Variants in LRP1B observed in about 807,000 individuals in gnomAD.
LRP1B encodes the protein LDL receptor related protein 1B, also known as low-density lipoprotein receptor-related protein 1B.
A neutral mutation model predicts 556.6 loss-of-function variants in LRP1B; 217 were observed. That is an observed-to-expected ratio of 0.39 (90% CI 0.35 to 0.44). LRP1B has a LOEUF of 0.44. LRP1B is among the 20% of genes least tolerant of loss of function. LRP1B has a pLI of 1.00. For missense variants in LRP1B, 5,053 were observed against 5,620.8 expected (o/e 0.90, Z 3.23); for synonymous variants, 2,047 against 1,865.8 (o/e 1.10, Z -2.50).
chr2:141,703,419 T>C (rs1156440806), intron 2 of LRP1B, among the ~76,000 whole-genome samples: 2 of 151,944 alleles, frequency 1.3e-5, no homozygotes, highest in Non-Finnish European at 2.9e-5. Flanking sequence ...TATGTATTAA[T>C]AACACAACGA....
chr2:140,503,078 T>A lies in LRP1B; in HGVS notation c.8547A>T (p.Glu2849Asp), dbSNP rs144617188. 1 of 1,613,280 alleles carries A rather than the reference T, an allele frequency of 6.2e-7. No homozygotes were observed. Among genetic ancestry groups the A allele is most frequent in the Non-Finnish European group, 8.5e-7 (1 of 1,179,372 alleles). Residue 2849 changes from glutamate to aspartate, a missense_variant, in exon 54 of 91, where the codon GAA (glutamate) becomes GAT (aspartate). Glu to Asp is a conservative substitution (Grantham distance 45). This residue lies in a region of LRP1B where 3,619 missense variants were observed against 3,931.9 expected (regional missense o/e 0.92). Coordinates refer to ENST00000389484, the MANE Select transcript of LRP1B (RefSeq NM_018557.3). ...QCGYRQCGTE[E>D]FSCADGRCLL... ...GACACCGCCCATCAGCACAACTAAA[T>A]TCTTCTGTACCACACTGTCGATATC...
chr2:141,112,565 T>C (rs1304558707), intron 7 of LRP1B, among the ~76,000 whole-genome samples: 2 of 152,206 alleles, frequency 1.3e-5, no homozygotes, highest in Admixed American at 6.5e-5. Flanking sequence ...AACAAAATAA[T>C]GCTATTTGTG....
intron 79 of LRP1B, among the ~76,000 whole-genome samples, chr2:140,331,972 C>A (rs1680841425): frequency 6.6e-6 from 1 of 151,938 alleles, no homozygotes; most frequent in Non-Finnish European, 1.5e-5. Context: ...GCTGGGATTA[C>A]AGACATGAGC....
At chr2:140,262,213 C>CA (rs531339254) in intron 86 of LRP1B, among the ~76,000 whole-genome samples, 246 of 152,200 alleles carry the variant, frequency 1.6e-3, no homozygotes, top group African/African-American at 5.7e-3. Context: ...GAAACTCCAA[C>CA]AAGTTACCTT....
At chr2:141,613,856 T>C (rs1688194978) in intron 2 of LRP1B, among the ~76,000 whole-genome samples, 1 of 151,984 alleles carries the variant, frequency 6.6e-6, no homozygotes, top group Admixed American at 6.6e-5. Flanking sequence ...GTGGATCACC[T>C]TAAGTCGGGA....
At chr2:140,567,597 G>A (rs1246845380) in intron 43 of LRP1B, among the ~76,000 whole-genome samples, 2 of 152,176 alleles carry the variant, frequency 1.3e-5, no homozygotes, top group African/African-American at 4.8e-5. Flanking sequence ...GGAACAAAGA[G>A]TGAAGTTGCA....
chr2:141,599,573 T>A (rs934179303), intron 2 of LRP1B, among the ~76,000 whole-genome samples: 3 of 152,148 alleles, frequency 2.0e-5, no homozygotes, highest in African/African-American at 7.2e-5. Context: ...ATGGATCGAT[T>A]GAAGTTTTTT....
At chr2:141,117,114 T>C (rs923542832) in intron 7 of LRP1B, among the ~76,000 whole-genome samples, 4 of 152,076 alleles carry the variant, frequency 2.6e-5, no homozygotes, top group African/African-American at 9.7e-5. Flanking sequence ...CATTTATCAT[T>C]GACTTTTGTC....
At chr2:141,213,144 G>T (rs1467493665) in intron 6 of LRP1B, among the ~76,000 whole-genome samples, 20 of 150,286 alleles carry the variant, frequency 1.3e-4, no homozygotes, top group Non-Finnish European at 2.4e-4. Flanking sequence ...TAAAGATGAG[G>T]TCTTGCTATG....
intron 7 of LRP1B, among the ~76,000 whole-genome samples, chr2:141,171,457 T>G (rs1205428533): frequency 6.6e-6 from 1 of 152,134 alleles, no homozygotes; most frequent in Non-Finnish European, 1.5e-5. Context: ...CACCAAATTC[T>G]ATGTGTCATT....
At chr2:141,621,747 T>G (rs1231884511) in intron 2 of LRP1B, among the ~76,000 whole-genome samples, 1 of 152,112 alleles carries the variant, frequency 6.6e-6, no homozygotes, top group East Asian at 1.9e-4. Context: ...CAATTTTGAG[T>G]TTTTGGGTTT....
intron 3 of LRP1B, among the ~76,000 whole-genome samples, chr2:141,261,474 A>T (rs759343536): frequency 6.6e-6 from 1 of 152,170 alleles, no homozygotes; most frequent in Non-Finnish European, 1.5e-5. Context: ...ACAGAACAGG[A>T]TCATTACCCC....
At chr2:140,898,071 C>T (rs1330935609) in intron 23 of LRP1B, among the ~76,000 whole-genome samples, 2 of 152,056 alleles carry the variant, frequency 1.3e-5, no homozygotes, top group Non-Finnish European at 2.9e-5. Flanking sequence ...AAGGGTCTGC[C>T]CCATAACCTG....
At chr2:141,180,502 A>G (rs1456490171) in intron 7 of LRP1B, among the ~76,000 whole-genome samples, 2 of 152,004 alleles carry the variant, frequency 1.3e-5, no homozygotes, top group Non-Finnish European at 2.9e-5. Flanking sequence ...TATAAGTGAA[A>G]CAATAACTTA....
At chr2:141,573,165 G>A (rs576810328) in intron 2 of LRP1B, among the ~76,000 whole-genome samples, 4 of 152,244 alleles carry the variant, frequency 2.6e-5, no homozygotes, top group Admixed American at 6.5e-5. Context: ...GTGCCACATG[G>A]CACTTATTCT....
chr2:141,873,282 C>T (rs1425430631), intron 1 of LRP1B, among the ~76,000 whole-genome samples: 1 of 151,792 alleles, frequency 6.6e-6, no homozygotes, highest in African/African-American at 2.4e-5. Flanking sequence ...ATGGCAAAAC[C>T]CCATGTCTAA....
intron 2 of LRP1B, among the ~76,000 whole-genome samples, chr2:141,698,493 TAAA>T (rs34461101): frequency 5.4e-4 from 75 of 140,130 alleles, no homozygotes; most frequent in African/African-American, 1.8e-3. Flanking sequence ...GTTGTACACT[TAAA>T]AAAAAAAAAA....
At chr2:140,995,061 C>T (rs895097960) in intron 15 of LRP1B, among the ~76,000 whole-genome samples, 1 of 151,948 alleles carries the variant, frequency 6.6e-6, no homozygotes, top group African/African-American at 2.4e-5. Context: ...GAATGTAATT[C>T]TCTGCAAGCC....
At chr2:141,999,927 T>C (rs1397824440) in intron 1 of LRP1B, among the ~76,000 whole-genome samples, 2 of 151,292 alleles carry the variant, frequency 1.3e-5, no homozygotes, top group Non-Finnish European at 2.9e-5. Flanking sequence ...TATGCCAGTG[T>C]GAAATTCTAG....
Sources: gnomAD v4.1 joint callset for allele counts (sites outside exome capture counted in the v4.1 genomes callset) on GRCh38, gnomAD v4.1.1 for gene constraint, gnomAD v4.1.1 regional missense constraint, MANE v1.5 for transcripts, NCBI Gene and HGNC (gene_info 2026-07-23, HGNC 2026-07-21) for gene names.